Variants in AFF3 observed in about 807,000 individuals in gnomAD.
AFF3 encodes the protein AF4/FMR2 family member 3.
A neutral mutation model predicts 129.7 loss-of-function variants in AFF3; 32 were observed. The ratio of observed to expected loss-of-function variants is 0.25; its 90% CI spans 0.19 to 0.33. The LOEUF (loss-of-function observed/expected upper bound fraction) is 0.33. Among genes scored for constraint, AFF3 ranks in the 10% least tolerant of loss-of-function variants. The pLI, the probability that AFF3 is intolerant of heterozygous loss-of-function variation, is 1.00. For synonymous variants in AFF3, 644 were observed against 635.4 expected, an observed-to-expected ratio of 1.01 and a Z score of -0.20; for missense variants, 1,373 against 1,592.0, an observed-to-expected ratio of 0.86 and a Z score of 2.34.
chr2:99,878,348 C>T (rs967684675), intron 7 of AFF3, among the ~76,000 whole-genome samples: 1 of 152,158 alleles, frequency 6.6e-6, no homozygotes, highest in Admixed American at 6.5e-5. Context: ...CCTGATTAGA[C>T]TTAATCAGAC....
At position 99,974,266 on chromosome 2, in the gene AFF3, C is replaced by T. The variant is rs545286643; in HGVS notation, c.873+32366G>A. On this transcript the variant is annotated intron_variant, in intron 7 of 24. Coordinates refer to ENST00000672756, the MANE Select transcript of AFF3 (RefSeq NM_001386135.1). ...TATTTGATTGAAACTGATTATTCCT[C>T]ATTTTCCTGTAACCTAGACTTCGGA... 2.3e-3 allele frequency among the ~76,000 whole-genome samples: 353 copies of T among 152,260 alleles called. 2 individuals carry two copies. Among genetic ancestry groups the T allele is most frequent in the African/African-American group, 8.2e-3 (339 of 41,538 alleles).
intron 21 of AFF3, 95 bp from the exon 22 acceptor site, chr2:99,559,063 T>C: frequency 9.7e-7 from 1 of 1,026,252 alleles, no homozygotes; most frequent in South Asian, 1.3e-5. Context: ...AGGTACTCAA[T>C]AACAATACCT....
At chr2:99,887,396 A>T (rs1003844584) in intron 7 of AFF3, among the ~76,000 whole-genome samples, 2 of 152,222 alleles carry the variant, frequency 1.3e-5, no homozygotes, top group Non-Finnish European at 2.9e-5. Context: ...TAAGACCCTT[A>T]GCCTTTTGTA....
intron 24 of AFF3, among the ~76,000 whole-genome samples, chr2:99,553,430 T>C (rs563283644): frequency 5.3e-5 from 8 of 152,338 alleles, no homozygotes; most frequent in Admixed American, 2.6e-4. Flanking sequence ...CATGGGAACA[T>C]AGTTTGCATT....
chr2:100,056,808 C>G (rs1686824976), intron 4 of AFF3, among the ~76,000 whole-genome samples: 1 of 152,096 alleles, frequency 6.6e-6, no homozygotes, highest in South Asian at 2.1e-4. Context: ...CTCTTATATA[C>G]AGGCAACCAC....
chr2:99,984,750 A>T (rs942475409), intron 7 of AFF3, among the ~76,000 whole-genome samples: 2 of 152,192 alleles, frequency 1.3e-5, no homozygotes, highest in South Asian at 4.2e-4. Context: ...GCTGCCTGAA[A>T]TTCTTGCCAG....
intron 14 of AFF3, among the ~76,000 whole-genome samples, chr2:99,598,130 C>T (rs1308003731): frequency 6.6e-6 from 1 of 152,182 alleles, no homozygotes; most frequent in African/African-American, 2.4e-5. Flanking sequence ...AAACACAGTA[C>T]ACCCGAGCAA....
intron 11 of AFF3, among the ~76,000 whole-genome samples, chr2:99,694,107 C>T (rs1176229940): frequency 1.3e-5 from 2 of 151,846 alleles, no homozygotes; most frequent in African/African-American, 4.8e-5. Flanking sequence ...TAGTAGTGGC[C>T]AGCTGGTCTC....
intron 20 of AFF3, among the ~76,000 whole-genome samples, chr2:99,562,037 C>A (rs551110990): frequency 6.6e-6 from 1 of 152,206 alleles, no homozygotes; most frequent in East Asian, 1.9e-4. Context: ...TGCTGTCATT[C>A]GAATTGATTC....
intron 12 of AFF3, among the ~76,000 whole-genome samples, chr2:99,659,705 T>G (rs1164695370): frequency 6.6e-6 from 1 of 152,286 alleles, no homozygotes; most frequent in East Asian, 1.9e-4. Flanking sequence ...TCAGAGTGAC[T>G]GGAGCATGAG....
chr2:99,699,885 G>T (rs77882139), intron 11 of AFF3, among the ~76,000 whole-genome samples: 1 of 152,166 alleles, frequency 6.6e-6, no homozygotes, highest in Admixed American at 6.5e-5. Context: ...CTAACCAATC[G>T]CATTCTGTGG....
chr2:99,838,386 T>G (rs1689057767), intron 7 of AFF3, among the ~76,000 whole-genome samples: 1 of 152,190 alleles, frequency 6.6e-6, no homozygotes, highest in Admixed American at 6.5e-5. Flanking sequence ...CTCCACAGTC[T>G]CTTCTCCAAG....
intron 7 of AFF3, among the ~76,000 whole-genome samples, chr2:99,948,424 A>G (rs1675839360): frequency 1.3e-5 from 2 of 152,202 alleles, no homozygotes; most frequent in Admixed American, 6.5e-5. Context: ...TAATATCTGC[A>G]GCACAGTCTG....
chr2:99,730,009 C>G (rs533863552), intron 10 of AFF3, among the ~76,000 whole-genome samples: 1 of 152,214 alleles, frequency 6.6e-6, no homozygotes, highest in African/African-American at 2.4e-5. Flanking sequence ...AATATATATG[C>G]ATATATGTAA....
At chr2:99,720,218 C>T (rs1678771328) in intron 11 of AFF3, among the ~76,000 whole-genome samples, 1 of 151,964 alleles carries the variant, frequency 6.6e-6, no homozygotes, top group African/African-American at 2.4e-5. Flanking sequence ...AATTTGATCC[C>T]CAGTGTGGTG....
At chr2:99,637,185 GAACAA>G (rs1683748669) in intron 13 of AFF3, among the ~76,000 whole-genome samples, 2 of 152,210 alleles carry the variant, frequency 1.3e-5, no homozygotes, top group Non-Finnish European at 2.9e-5. Context: ...ATGAAAAACA[GAACAA>G]AACAAAACAG....
rs1677197341 is a variant in AFF3 at position 99,578,398 on chromosome 2, C to T, written c.2847G>A (p.Gln949=). 3 of 1,611,456 alleles carry T rather than the reference C, an allele frequency of 1.9e-6. No individual in the cohort carries two copies. In the South Asian group the frequency reaches 3.3e-5, roughly 18 times the overall value. Residue 949 remains glutamine, a synonymous_variant, in exon 18 of 25, where the codon CAG becomes CAA. Coordinates refer to ENST00000672756, the MANE Select transcript of AFF3 (RefSeq NM_001386135.1). ...TGGAGCCTGGAGACCACGGCTTCGT[C>T]TGCGGCCGTGACTTGTGGAGGGGAA... The part of the protein sequence containing the change: ...ENIPLHKSRP[Q]TKPWSPGSNG...
intron 7 of AFF3, among the ~76,000 whole-genome samples, chr2:99,950,437 A>G (rs11900758): frequency 0.075 from 11,396 of 152,178 alleles, 1,179 homozygotes; most frequent in African/African-American, 0.23. Flanking sequence ...GTTGAATCTG[A>G]ACATTCTCTG....
chr2:99,898,278 C>T (rs1185167279), intron 7 of AFF3, among the ~76,000 whole-genome samples: 1 of 152,230 alleles, frequency 6.6e-6, no homozygotes, highest in Non-Finnish European at 1.5e-5. Context: ...GCACCCACCC[C>T]GTGTGCAGCA....
Sources: gnomAD v4.1 joint callset for allele counts (sites outside exome capture counted in the v4.1 genomes callset) on GRCh38, gnomAD v4.1.1 for gene constraint, MANE v1.5 for transcripts, NCBI Gene and HGNC (gene_info 2026-07-23, HGNC 2026-07-21) for gene names.